DYM: variants seen among roughly 807,000 people sequenced by gnomAD.
DYM encodes dymeclin, also known as dyggve-Melchior-Clausen syndrome protein.
DYM carries 78 observed loss-of-function variants against 93.1 expected under a neutral mutation model. That is an observed-to-expected ratio of 0.84 (90% CI 0.70 to 1.01). The LOEUF (loss-of-function observed/expected upper bound fraction) is 1.01. Among genes scored for constraint, DYM ranks in the 50% least tolerant of loss-of-function variants. DYM has a pLI of 0.00. For missense variants in DYM, 789 were observed against 845.0 expected (o/e 0.93, Z 0.82); for synonymous variants, 321 against 319.7 (o/e 1.00, Z -0.04).
At chr18:49,195,213 T>G (rs1312671389) in intron 14 of DYM, among the ~76,000 whole-genome samples, 1 of 152,214 alleles carries the variant, frequency 6.6e-6, no homozygotes, top group Admixed American at 6.5e-5. Flanking sequence ...GTTAGTTCAG[T>G]TCACTGTCTA....
intron 14 of DYM, among the ~76,000 whole-genome samples, chr18:49,206,751 T>C (rs2092533908): frequency 6.6e-6 from 1 of 152,140 alleles, no homozygotes; most frequent in Admixed American, 6.5e-5. Flanking sequence ...ATTTCTTCTC[T>C]GTTGTTCAGA....
intron 8 of DYM, among the ~76,000 whole-genome samples, chr18:49,301,274 A>G: frequency 6.6e-6 from 1 of 152,172 alleles, no homozygotes; most frequent in Non-Finnish European, 1.5e-5. Context: ...TAATCCCAGC[A>G]TTTTGGGAGG....
chr18:49,423,706 A>G (rs2073972043), intron 2 of DYM, among the ~76,000 whole-genome samples: 2 of 152,232 alleles, frequency 1.3e-5, no homozygotes, highest in African/African-American at 4.8e-5. Flanking sequence ...AAAAAATGAT[A>G]AAGGGGATAT....
chr18:49,405,786 A>G (rs1262484343), intron 2 of DYM, among the ~76,000 whole-genome samples: 1 of 152,178 alleles, frequency 6.6e-6, no homozygotes, highest in African/African-American at 2.4e-5. Context: ...TTTCATAAGA[A>G]TAGTATTGTA....
chr18:49,376,429 T>C (rs117745536), intron 5 of DYM, among the ~76,000 whole-genome samples: 1,792 of 152,304 alleles, frequency 0.012, 12 homozygotes, highest in Non-Finnish European at 0.017. Flanking sequence ...AACAAAAGAT[T>C]GCTGATATCT....
intron 13 of DYM, among the ~76,000 whole-genome samples, chr18:49,211,322 C>G (rs1303775537): frequency 6.6e-6 from 1 of 152,132 alleles, no homozygotes; most frequent in Non-Finnish European, 1.5e-5. Flanking sequence ...AGAGTAATTT[C>G]ACTGACGCCA....
intron 14 of DYM, among the ~76,000 whole-genome samples, chr18:49,191,674 T>A (rs980535545): frequency 6.6e-6 from 1 of 152,220 alleles, no homozygotes; most frequent in Admixed American, 6.5e-5. Flanking sequence ...TTTTATAAAT[T>A]ATCTCCTAGT....
intron 2 of DYM, among the ~76,000 whole-genome samples, chr18:49,399,560 T>C (rs2070523396): frequency 6.6e-6 from 1 of 152,234 alleles, no homozygotes; most frequent in Non-Finnish European, 1.5e-5. Context: ...GAGGTTGGTT[T>C]GGACATCACT....
chr18:49,124,779 G>C (rs996668020), intron 15 of DYM, among the ~76,000 whole-genome samples: 4 of 152,162 alleles, frequency 2.6e-5, no homozygotes, highest in Middle Eastern at 3.2e-3. Context: ...TATACTGTGG[G>C]AGGTTACAGC....
intron 15 of DYM, among the ~76,000 whole-genome samples, chr18:49,149,831 C>T (rs1454997822): frequency 2.6e-5 from 4 of 151,656 alleles, no homozygotes; most frequent in African/African-American, 4.8e-5. Context: ...CTCAGCCTCC[C>T]GAGTAGCTGG....
At chr18:49,088,849 T>G (rs1280157255) in intron 17 of DYM, among the ~76,000 whole-genome samples, 1 of 152,108 alleles carries the variant, frequency 6.6e-6, no homozygotes, top group Non-Finnish European at 1.5e-5. Context: ...TGGAGTACAG[T>G]GGTAGGATCA....
chr18:49,417,689 G>A (rs1461803789), intron 2 of DYM, among the ~76,000 whole-genome samples: 2 of 152,202 alleles, frequency 1.3e-5, no homozygotes, highest in Non-Finnish European at 1.5e-5. Context: ...AGGGATATAT[G>A]TGCATATTTG....
intron 6 of DYM, among the ~76,000 whole-genome samples, chr18:49,356,711 G>T (rs906479240): frequency 5.3e-5 from 8 of 152,094 alleles, no homozygotes; most frequent in Non-Finnish European, 8.8e-5. Context: ...TTAGGTTCTT[G>T]AACCATCTAC....
At chr18:49,240,863 C>T (rs2093993832) in intron 13 of DYM, among the ~76,000 whole-genome samples, 1 of 152,188 alleles carries the variant, frequency 6.6e-6, no homozygotes, top group South Asian at 2.1e-4. Flanking sequence ...AAAAGATGTA[C>T]TCAAGGGTCA....
At chr18:49,458,137 A>G (rs1430207090) in intron 1 of DYM, among the ~76,000 whole-genome samples, 1 of 152,234 alleles carries the variant, frequency 6.6e-6, no homozygotes, top group Non-Finnish European at 1.5e-5. Flanking sequence ...ATAACATTAA[A>G]CAACTTCTAA....
chr18:49,102,701 T>C (rs2080302567), intron 16 of DYM, among the ~76,000 whole-genome samples: 1 of 152,118 alleles, frequency 6.6e-6, no homozygotes, highest in Admixed American at 6.5e-5. Context: ...TTGCTGAAAA[T>C]GATGGTTTCC....
intron 14 of DYM, among the ~76,000 whole-genome samples, chr18:49,200,816 A>C (rs2091926738): frequency 6.6e-6 from 1 of 152,182 alleles, no homozygotes; most frequent in Non-Finnish European, 1.5e-5. Context: ...TGATTAAATC[A>C]GGCAAATTAA....
In DYM at chr18:49,349,609, T is replaced by G. The variant is rs191235306; in HGVS notation, c.494+13552A>C. 6.3e-3 allele frequency among the ~76,000 whole-genome samples: 961 copies of G among 152,260 alleles called. 5 individuals are homozygous for G. The highest frequency in any genetic ancestry group is 0.014 in the South Asian group (66 of 4,822). ...ATTTCATCAAATGTTAGAAATGGCT[T>G]TTAAAAATATTAAGAGATATTCAAC... On this transcript the variant is annotated intron_variant, in intron 6 of 17. Transcript: ENST00000675505.
At chr18:49,409,793 T>C (rs2071997467) in intron 2 of DYM, among the ~76,000 whole-genome samples, 1 of 152,156 alleles carries the variant, frequency 6.6e-6, no homozygotes, top group Non-Finnish European at 1.5e-5. Context: ...GCAAGAGGTA[T>C]TTACAATATG....
Sources: gnomAD v4.1 joint callset for allele counts (sites outside exome capture counted in the v4.1 genomes callset) on GRCh38, gnomAD v4.1.1 for gene constraint, MANE v1.5 for transcripts, NCBI Gene and HGNC (gene_info 2026-07-23, HGNC 2026-07-21) for gene names.